The following OPCML variants were observed in gnomAD, a reference collection of about 807,000 sequenced individuals.
OPCML encodes opioid-binding protein/cell adhesion molecule.
Under a neutral mutation model 37.8 loss-of-function variants are expected in OPCML, and 13 were observed. The ratio of observed to expected loss-of-function variants is 0.34; its 90% confidence interval spans 0.22 to 0.55. The LOEUF (loss-of-function observed/expected upper bound fraction) is 0.55. Among genes scored for constraint, OPCML ranks in the 20% least tolerant of loss-of-function variants. The probability of loss-of-function intolerance (pLI) is 0.91; values close to 1 mark genes in which losing one functional copy is unlikely to be tolerated. For synonymous variants in OPCML, 176 were observed against 168.8 expected, an observed-to-expected ratio of 1.04 and a Z score of -0.33; for missense variants, 341 against 435.6, an observed-to-expected ratio of 0.78 and a Z score of 1.93.
chr11:132,898,696 C>G (rs1319455096), intron 2 of OPCML, among the ~76,000 whole-genome samples: 1 of 152,134 alleles, frequency 6.6e-6, no homozygotes, highest in Admixed American at 6.5e-5. Context: ...CTCACCAATA[C>G]CCCTAGTGAC....
intron 4 of OPCML, among the ~76,000 whole-genome samples, chr11:132,454,093 C>A (rs59392437): frequency 6.6e-6 from 1 of 152,056 alleles, no homozygotes; most frequent in Non-Finnish European, 1.5e-5. Flanking sequence ...TAGGTTTTTG[C>A]GGGGGAAGGT....
intron 1 of OPCML, among the ~76,000 whole-genome samples, chr11:133,185,817 T>C (rs1938045319): frequency 6.6e-6 from 1 of 152,182 alleles, no homozygotes. Context: ...AAGAACATTC[T>C]TGACTCCCAT....
At chr11:132,719,967 A>G (rs1235447515) in intron 2 of OPCML, among the ~76,000 whole-genome samples, 1 of 152,280 alleles carries the variant, frequency 6.6e-6, no homozygotes, top group African/African-American at 2.4e-5. Context: ...TCATCTGGGG[A>G]CAGCTACCTG....
chr11:133,304,722 A>G (rs1349439509), intron 1 of OPCML, among the ~76,000 whole-genome samples: 30 of 152,200 alleles, frequency 2.0e-4, no homozygotes, highest in Admixed American at 2.0e-3. Context: ...AGGAGAATTG[A>G]TTAAGGGACA....
chr11:132,882,993 T>C (rs1230863424), intron 2 of OPCML, among the ~76,000 whole-genome samples: 2 of 152,156 alleles, frequency 1.3e-5, no homozygotes, highest in African/African-American at 4.8e-5. Context: ...AATGTGTTTA[T>C]GAAAATAAAG....
At chr11:133,345,348 T>C (rs1943973701) in intron 1 of OPCML, among the ~76,000 whole-genome samples, 1 of 152,230 alleles carries the variant, frequency 6.6e-6, no homozygotes, top group African/African-American at 2.4e-5. Context: ...TTAAGCTAAA[T>C]TAAATGAATT....
intron 3 of OPCML, among the ~76,000 whole-genome samples, chr11:132,569,365 T>C (rs6590646): frequency 0.53 from 80,268 of 152,034 alleles, 21,947 homozygotes; most frequent in Admixed American, 0.65. Context: ...CTGCTGACAC[T>C]TTCATCTCAG....
chr11:132,722,318 A>G (rs1944703776), intron 2 of OPCML, among the ~76,000 whole-genome samples: 1 of 151,916 alleles, frequency 6.6e-6, no homozygotes, highest in South Asian at 2.1e-4. Flanking sequence ...CATTTTATAA[A>G]GTTGTTTTTT....
At chr11:132,782,907 TATA>T (rs1947078996) in intron 2 of OPCML, among the ~76,000 whole-genome samples, 2 of 114,392 alleles carry the variant, frequency 1.7e-5, no homozygotes, top group Admixed American at 2.1e-4. Context: ...GTAATATATA[TATA>T]GTGTGTGTAT....
Position 132,476,137 on chromosome 11 carries a change from A to G in OPCML, c.506-38778T>C, listed in dbSNP as rs78389780. On this transcript the variant is annotated intron_variant, in intron 4 of 7. Transcript: ENST00000524381. Reference sequence around the variant, plus strand: ...TATATTTACATGCAAATTTCAAATCAAAGAGCCATACTCTTGAAGTTCAAA... The same window carrying G: ...TATATTTACATGCAAATTTCAAATCGAAGAGCCATACTCTTGAAGTTCAAA... Among the ~76,000 whole-genome samples, 839 of 152,332 alleles carry G rather than the reference A, an allele frequency of 5.5e-3. 11 individuals carry two copies. Among genetic ancestry groups the G allele is most frequent in the African/African-American group, 0.019 (791 of 41,584 alleles).
chr11:132,484,622 T>A (rs2096193278), intron 4 of OPCML, among the ~76,000 whole-genome samples: 1 of 152,160 alleles, frequency 6.6e-6, no homozygotes, highest in Admixed American at 6.5e-5. Context: ...TGCACACCTA[T>A]GTTTATTGCG....
chr11:132,960,506 A>T (rs1404110844), intron 1 of OPCML, among the ~76,000 whole-genome samples: 1 of 152,142 alleles, frequency 6.6e-6, no homozygotes, highest in African/African-American at 2.4e-5. Context: ...ATCCCTGCAA[A>T]AGCACAGGCT....
chr11:132,637,755 G>T (rs902351608), intron 3 of OPCML, among the ~76,000 whole-genome samples: 1 of 152,106 alleles, frequency 6.6e-6, no homozygotes, highest in South Asian at 2.1e-4. Context: ...ACCTGGCAGT[G>T]CTCAGGACAC....
intron 3 of OPCML, among the ~76,000 whole-genome samples, chr11:132,651,097 C>A (rs566298677): frequency 5.3e-5 from 8 of 152,322 alleles, no homozygotes; most frequent in African/African-American, 1.9e-4. Flanking sequence ...TGCCCCAACC[C>A]CAGAATTGTC....
At chr11:133,297,078 G>A (rs531655401) in intron 1 of OPCML, 1 of 152,322 alleles carries the variant, frequency 6.6e-6, no homozygotes, top group South Asian at 2.1e-4. Context: ...GACCACTTGG[G>A]AAGGATGAAT....
intron 1 of OPCML, among the ~76,000 whole-genome samples, chr11:133,514,548 G>C (rs1948223100): frequency 6.6e-6 from 1 of 152,060 alleles, no homozygotes; most frequent in South Asian, 2.1e-4. Context: ...ACCCCTTTAG[G>C]TTAGAAGTAA....
At chr11:132,797,082 T>C (rs1565870969) in intron 2 of OPCML, among the ~76,000 whole-genome samples, 2 of 152,244 alleles carry the variant, frequency 1.3e-5, no homozygotes, top group South Asian at 4.1e-4. Context: ...TTAATAGTTG[T>C]CCTTTGGAGC....
rs182860321 is a variant in OPCML at position 132,998,362 on chromosome 11, G to A, written c.62-55352C>T. 4.2e-4 allele frequency among the ~76,000 whole-genome samples: 64 copies of A among 152,216 alleles called. 1 individual carries two copies. Among genetic ancestry groups the A allele is most frequent in the South Asian group, 3.7e-3 (18 of 4,820 alleles). ...CACTTTCTCCCTGTCTTCTCACTTGGGGGGAGCCTGTGTTGACTGTGTTTA... is the reference window on the plus strand; with the variant it reads ...CACTTTCTCCCTGTCTTCTCACTTGAGGGGAGCCTGTGTTGACTGTGTTTA... On this transcript the variant is annotated intron_variant, in intron 1 of 7. Transcript: ENST00000524381.
At chr11:133,253,081 G>A (rs1249156710) in intron 1 of OPCML, among the ~76,000 whole-genome samples, 2 of 149,010 alleles carry the variant, frequency 1.3e-5, no homozygotes, top group Non-Finnish European at 3.0e-5. Flanking sequence ...GGGAGGAAGA[G>A]CTTTCAGTGA....
Sources: allele counts gnomAD v4.1 joint callset (sites outside exome capture counted in the v4.1 genomes callset), GRCh38; gene constraint gnomAD v4.1.1; transcripts MANE v1.5; gene names NCBI Gene and HGNC (gene_info 2026-07-23, HGNC 2026-07-21).